Variants in ARID1B observed in about 807,000 individuals in gnomAD.
The protein encoded by ARID1B is AT-rich interaction domain 1B.
ARID1B carries 30 observed loss-of-function variants against 212.3 expected under a neutral mutation model. The observed-to-expected ratio is 0.14, with a 90% CI of 0.11 to 0.19. The LOEUF (loss-of-function observed/expected upper bound fraction) is 0.19. Ranked by LOEUF, ARID1B falls within the 10% of genes least tolerant of loss-of-function variation. The pLI is 1.00. For synonymous variants in ARID1B, 1,402 were observed against 1,301.7 expected, an observed-to-expected ratio of 1.08 and a Z score of -1.66; for missense variants, 2,891 against 3,204.0, an observed-to-expected ratio of 0.90 and a Z score of 2.36.
At chr6:156,780,993 T>C (rs1779219435) in intron 1 of ARID1B, among the ~76,000 whole-genome samples, 1 of 152,198 alleles carries the variant, frequency 6.6e-6, no homozygotes, top group South Asian at 2.1e-4. Flanking sequence ...AACCTTAAAA[T>C]TTTTTTAAGA....
intron 4 of ARID1B, among the ~76,000 whole-genome samples, chr6:156,966,626 C>T (rs1009888074): frequency 6.6e-6 from 1 of 152,120 alleles, no homozygotes; most frequent in East Asian, 1.9e-4. Context: ...AACTCCTGAC[C>T]TCAGGTGATC....
At chr6:157,062,858 C>T (rs927844178) in intron 4 of ARID1B, among the ~76,000 whole-genome samples, 4 of 151,892 alleles carry the variant, frequency 2.6e-5, no homozygotes, top group East Asian at 1.9e-4. Context: ...TGCGCACCAG[C>T]ACACCTGCCT....
chr6:157,032,812 A>G (rs557558446), intron 4 of ARID1B, among the ~76,000 whole-genome samples: 5 of 152,306 alleles, frequency 3.3e-5, no homozygotes, highest in Admixed American at 2.0e-4. Flanking sequence ...CATCAAGTAT[A>G]TGACTCACCC....
intron 4 of ARID1B, among the ~76,000 whole-genome samples, chr6:156,992,607 C>T (rs537019691): frequency 5.3e-4 from 81 of 152,280 alleles, no homozygotes; most frequent in African/African-American, 1.8e-3. Flanking sequence ...GGTTTTGGAG[C>T]GGGAGGTATT....
At chr6:156,815,881 A>T (rs1477127991) in intron 1 of ARID1B, among the ~76,000 whole-genome samples, 1 of 152,208 alleles carries the variant, frequency 6.6e-6, no homozygotes, top group Admixed American at 6.5e-5. Context: ...TTACATTTTT[A>T]TGTCATCCTG....
intron 6 of ARID1B, among the ~76,000 whole-genome samples, chr6:157,125,804 C>T (rs138074717): frequency 7.9e-5 from 12 of 152,218 alleles, no homozygotes; most frequent in Non-Finnish European, 1.8e-4. Context: ...CCTGGCACCT[C>T]GTGAATGACC....
At chr6:156,875,678 A>C (rs1173609870) in intron 2 of ARID1B, among the ~76,000 whole-genome samples, 1 of 152,348 alleles carries the variant, frequency 6.6e-6, no homozygotes, top group African/African-American at 2.4e-5. Flanking sequence ...GCTGCTGTTT[A>C]AAATGAGTTC....
intron 1 of ARID1B, among the ~76,000 whole-genome samples, chr6:156,809,801 G>A (rs1781441049): frequency 6.6e-6 from 1 of 152,022 alleles, no homozygotes; most frequent in African/African-American, 2.4e-5. Flanking sequence ...TGGTGGCTGA[G>A]GGCCACCAGA....
chr6:157,149,019 A>C (rs1273205684), intron 8 of ARID1B, 68 bp downstream of exon 8: 3 of 1,467,740 alleles, frequency 2.0e-6, no homozygotes, highest in Admixed American at 3.9e-5. Flanking sequence ...GTGACTGCGC[A>C]CATAGCTGCA....
At chr6:157,018,212 C>CT (rs1208883079) in intron 4 of ARID1B, among the ~76,000 whole-genome samples, 4,627 of 72,188 alleles carry the variant, frequency 0.064, 678 homozygotes, top group African/African-American at 0.11. Flanking sequence ...AAGTAGTATG[C>CT]TTTTTTTTTT....
At chr6:157,063,710 A>C (rs1211760548) in intron 4 of ARID1B, among the ~76,000 whole-genome samples, 1 of 152,258 alleles carries the variant, frequency 6.6e-6, no homozygotes, top group Non-Finnish European at 1.5e-5. Flanking sequence ...AATGACTGCC[A>C]GTGGGTAAAC....
At chr6:156,945,170 T>C (rs1328930938) in intron 4 of ARID1B, among the ~76,000 whole-genome samples, 37 of 145,746 alleles carry the variant, frequency 2.5e-4, no homozygotes, top group Middle Eastern at 3.6e-3. Flanking sequence ...CTCCTGACCT[T>C]GTGATCCGCC....
At chr6:157,063,690 TTATGTA>T (rs1165031843) in intron 4 of ARID1B, among the ~76,000 whole-genome samples, 1 of 152,318 alleles carries the variant, frequency 6.6e-6, no homozygotes, top group African/African-American at 2.4e-5. Flanking sequence ...AATTTTATTG[TTATGTA>T]TGGAATGACT....
intron 1 of ARID1B, among the ~76,000 whole-genome samples, chr6:156,816,506 C>T (rs1366539101): frequency 6.6e-6 from 1 of 152,120 alleles, no homozygotes. Flanking sequence ...AACTTACTGT[C>T]TGATAAAGGA....
chr6:157,145,364 T>C (rs1789650742), intron 7 of ARID1B, among the ~76,000 whole-genome samples: 1 of 152,208 alleles, frequency 6.6e-6, no homozygotes, highest in East Asian at 1.9e-4. Context: ...AGTGGCAGGA[T>C]TGAGCAATCG....
chr6:157,208,551 A>AACTGCTCCTC lies in ARID1B; in HGVS notation c.*663_*672dup. 4.3e-6 allele frequency: 1 copy of AACTGCTCCTC among 233,142 alleles called. No individual in the cohort carries two copies. The highest frequency in any genetic ancestry group is 8.5e-6 in the Non-Finnish European group (1 of 117,740). 14.4% of individuals were successfully genotyped at this position (233,142 alleles called of 1,614,324 possible). Reference sequence around the variant, plus strand: ...AATACATACCTGACAACGATCCGGAAACTGCTCCTCACCACTCCCGTCATG... The same window carrying AACTGCTCCTC: ...AATACATACCTGACAACGATCCGGAAACTGCTCCTCACTGCTCCTCACCACTCCCGTCATG... On this transcript the variant is annotated 3_prime_UTR_variant, in exon 20 of 20. Transcript: ENST00000636930.
chr6:156,874,642 G>T (rs1786403661), intron 2 of ARID1B, among the ~76,000 whole-genome samples: 2 of 152,124 alleles, frequency 1.3e-5, no homozygotes, highest in South Asian at 4.1e-4. Flanking sequence ...GTCCCTTTCT[G>T]ACTATGTCCT....
chr6:156,901,698 C>A (rs2128211564), intron 3 of ARID1B, 173 bp downstream of exon 3: 1 of 860,622 alleles, frequency 1.2e-6, no homozygotes, highest in Non-Finnish European at 1.7e-6. Flanking sequence ...CCGTCTTTTC[C>A]CCTTTTGAGA....
intron 4 of ARID1B, among the ~76,000 whole-genome samples, chr6:157,067,540 G>T (rs1017060193): frequency 2.6e-5 from 4 of 152,124 alleles, no homozygotes; most frequent in Non-Finnish European, 5.9e-5. Context: ...TCTCGCGAAG[G>T]TTCCTCCTGC....
Sources: gnomAD v4.1 joint callset for allele counts (sites outside exome capture counted in the v4.1 genomes callset) on GRCh38, gnomAD v4.1.1 for gene constraint, MANE v1.5 for transcripts, NCBI Gene and HGNC (gene_info 2026-07-23, HGNC 2026-07-21) for gene names.